Variants in NBAS observed in about 807,000 individuals in gnomAD.
NBAS encodes NBAS subunit of NRZ tethering complex.
Under a neutral mutation model 302.5 loss-of-function variants are expected in NBAS, and 219 were observed. That is an observed-to-expected ratio of 0.72 (90% CI 0.65 to 0.81). The LOEUF is 0.81. Ranked by LOEUF, NBAS falls within the 30% of genes least tolerant of loss-of-function variation. The probability of loss-of-function intolerance (pLI) is 0.00; values close to 1 mark genes in which losing one functional copy is unlikely to be tolerated. For synonymous variants in NBAS, 1,118 were observed against 1,021.6 expected, an observed-to-expected ratio of 1.09 and a Z score of -1.80; for missense variants, 2,932 against 2,841.6, an observed-to-expected ratio of 1.03 and a Z score of -0.72.
chr2:15,220,133 AC>A (rs1666880512), intron 47 of NBAS, among the ~76,000 whole-genome samples: 1 of 107,014 alleles, frequency 9.3e-6, no homozygotes, highest in African/African-American at 3.7e-5. Context: ...CGGGGGGCTG[AC>A]CCCCCCACCT....
intron 21 of NBAS, among the ~76,000 whole-genome samples, chr2:15,437,521 G>A (rs534890458): frequency 6.6e-6 from 1 of 152,292 alleles, no homozygotes; most frequent in Non-Finnish European, 1.5e-5. Flanking sequence ...TGAAGAGGGA[G>A]TGTTCTGATG....
the NBAS span, among the ~76,000 whole-genome samples, chr2:15,091,325 A>C: frequency 6.6e-6 from 1 of 152,096 alleles, no homozygotes. Context: ...TGATATGTGG[A>C]TTTTCTTCCG....
chr2:14,828,552 T>C, the NBAS span, among the ~76,000 whole-genome samples: 1 of 152,252 alleles, frequency 6.6e-6, no homozygotes, highest in East Asian at 1.9e-4. Flanking sequence ...AGAAAAGTTC[T>C]TTAGAGGGGA....
chr2:15,368,480 G>GA (rs1674330372), intron 31 of NBAS, among the ~76,000 whole-genome samples: 1 of 152,100 alleles, frequency 6.6e-6, no homozygotes. Flanking sequence ...TTACAGGCGT[G>GA]AGCCAATGCA....
the NBAS span, among the ~76,000 whole-genome samples, chr2:14,880,633 G>A: frequency 5.6e-3 from 850 of 151,610 alleles, 17 homozygotes; most frequent in Non-Finnish European, 5.1e-3. Context: ...TAATCAGTCA[G>A]GAGAAAAAAA....
chr2:15,032,263 T>C, the NBAS span, among the ~76,000 whole-genome samples: 1 of 152,230 alleles, frequency 6.6e-6, no homozygotes, highest in African/African-American at 2.4e-5. Flanking sequence ...GTACTGAGAC[T>C]GGAAGAGTTT....
chr2:15,510,945 A>C (rs1192092075), intron 10 of NBAS, among the ~76,000 whole-genome samples: 2 of 152,220 alleles, frequency 1.3e-5, no homozygotes, highest in Admixed American at 1.3e-4. Context: ...TCATCTAAAT[A>C]AGCAAATACA....
chr2:14,889,118 G>T, the NBAS span, among the ~76,000 whole-genome samples: 2 of 152,106 alleles, frequency 1.3e-5, no homozygotes, highest in Admixed American at 1.3e-4. Flanking sequence ...AGACACATTT[G>T]CCACTCTTTC....
At chr2:15,362,219 T>C (rs1673965174) in intron 32 of NBAS, among the ~76,000 whole-genome samples, 1 of 151,632 alleles carries the variant, frequency 6.6e-6, no homozygotes, top group Non-Finnish European at 1.5e-5. Flanking sequence ...GGCTCACGCC[T>C]GTAATCTTAG....
chr2:15,422,799 A>C (rs758414255), intron 23 of NBAS, among the ~76,000 whole-genome samples: 1 of 152,186 alleles, frequency 6.6e-6, no homozygotes, highest in Non-Finnish European at 1.5e-5. Flanking sequence ...TTTTTGATGT[A>C]TATATAAATA....
chr2:14,815,602 C>T, the NBAS span, among the ~76,000 whole-genome samples: 1 of 152,180 alleles, frequency 6.6e-6, no homozygotes, highest in African/African-American at 2.4e-5. Flanking sequence ...AAAACTCAAT[C>T]ACCTTTCTCC....
intron 38 of NBAS, among the ~76,000 whole-genome samples, chr2:15,316,048 A>G (rs777049368): frequency 1.3e-5 from 2 of 152,368 alleles, no homozygotes; most frequent in Non-Finnish European, 2.9e-5. Flanking sequence ...TGGGATGCAC[A>G]ACATGTAATA....
the NBAS span, among the ~76,000 whole-genome samples, chr2:14,940,498 C>T: frequency 6.6e-6 from 1 of 152,168 alleles, no homozygotes; most frequent in Non-Finnish European, 1.5e-5. Flanking sequence ...ATTATATATA[C>T]GCTGAAAGGC....
chr2:15,510,948 C>T (rs1486969741), intron 10 of NBAS, among the ~76,000 whole-genome samples: 1 of 152,120 alleles, frequency 6.6e-6, no homozygotes, highest in African/African-American at 2.4e-5. Context: ...TCTAAATAAG[C>T]AAATACAAGG....
chr2:15,523,326 A>T (rs1181539825), intron 9 of NBAS, among the ~76,000 whole-genome samples: 2 of 152,182 alleles, frequency 1.3e-5, no homozygotes, highest in African/African-American at 4.8e-5. Context: ...CAGATGAAAA[A>T]TATTCAGGAA....
chr2:15,063,121 G>A, the NBAS span, among the ~76,000 whole-genome samples: 77,231 of 152,066 alleles, frequency 0.51, 21,878 homozygotes, highest in Non-Finnish European at 0.62. Context: ...TGGAGTGTGG[G>A]CAACTCCAGT....
intron 9 of NBAS, among the ~76,000 whole-genome samples, chr2:15,511,723 C>A (rs1662153472): frequency 6.6e-6 from 1 of 152,148 alleles, no homozygotes; most frequent in African/African-American, 2.4e-5. Flanking sequence ...GTATCTGATG[C>A]AATGAGGGAG....
chr2:14,891,525 C>T, the NBAS span, among the ~76,000 whole-genome samples: 4 of 152,136 alleles, frequency 2.6e-5, no homozygotes, highest in Non-Finnish European at 4.4e-5. Context: ...TCACTCAGTG[C>T]ATCCATTTTT....
the NBAS span, among the ~76,000 whole-genome samples, chr2:15,032,217 C>T: frequency 0.8 from 122,359 of 152,186 alleles, 49,717 homozygotes; most frequent in East Asian, 1. Context: ...TGTAACAGTG[C>T]CTACAAATGT....
Sources: allele counts gnomAD v4.1 joint callset (sites outside exome capture counted in the v4.1 genomes callset), GRCh38; gene constraint gnomAD v4.1.1; transcripts MANE v1.5; gene names NCBI Gene and HGNC (gene_info 2026-07-23, HGNC 2026-07-21).